Variants in COX7B2 observed in about 807,000 individuals in gnomAD.
COX7B2 encodes the protein cytochrome c oxidase subunit 7B2, mitochondrial.
For synonymous variants in COX7B2, 37 were observed against 32.1 expected, an observed-to-expected ratio of 1.15 and a Z score of -0.51; for missense variants, 109 against 95.9, an observed-to-expected ratio of 1.14 and a Z score of -0.57.
chr4:46,755,089 A>C (rs182841220), intron 2 of COX7B2, among the ~76,000 whole-genome samples: 1 of 151,888 alleles, frequency 6.6e-6, no homozygotes, highest in African/African-American at 2.4e-5. Context: ...ATGATACACA[A>C]TATTAAGGTG....
At position 46,756,125 on chromosome 4, in the gene COX7B2, T is replaced by C. The variant is rs1175319181; in HGVS notation, c.-49-20884A>G. ...GTATAAAAATAGACACATCAGTCAA[T>C]GGAACAGAGAAGAGGACCCAGAAAT... On this transcript the variant is annotated intron_variant, in intron 2 of 2. Coordinates refer to ENST00000355591, the MANE Select transcript of COX7B2 (RefSeq NM_130902.3). Among the ~76,000 whole-genome samples, 5 of 151,984 alleles carry C rather than the reference T, an allele frequency of 3.3e-5. No individual in the cohort carries two copies. In the East Asian group the frequency reaches 9.6e-4, roughly 29 times the overall value.
At chr4:46,771,850 T>A (rs1716897257) in intron 2 of COX7B2, among the ~76,000 whole-genome samples, 1 of 152,162 alleles carries the variant, frequency 6.6e-6, no homozygotes, top group Non-Finnish European at 1.5e-5. Context: ...ACTTACGGGT[T>A]GAACATTCCA....
At chr4:46,797,092 TAAAAAAAAAAAAAAA>T (rs762801656) in intron 2 of COX7B2, among the ~76,000 whole-genome samples, 26,591 of 64,236 alleles carry the variant, frequency 0.41, 3,193 homozygotes, top group Middle Eastern at 0.56. Context: ...TAGAGTATAA[TAAAAAAAAAAAAAAA>T]AAAAAAAAAA....
intron 1 of COX7B2, among the ~76,000 whole-genome samples, chr4:46,867,415 G>T (rs775330194): frequency 6.6e-5 from 10 of 152,168 alleles, no homozygotes; most frequent in Non-Finnish European, 1.5e-4. Context: ...GGTGTCAAAG[G>T]CTGTCTCTAG....
At chr4:46,883,795 A>T (rs993859905) in intron 1 of COX7B2, among the ~76,000 whole-genome samples, 4 of 151,964 alleles carry the variant, frequency 2.6e-5, no homozygotes, top group Non-Finnish European at 5.9e-5. Flanking sequence ...AAAAACCTGA[A>T]CATTAATTTT....
At chr4:46,895,037 T>C (rs561452178) in intron 1 of COX7B2, among the ~76,000 whole-genome samples, 1 of 152,302 alleles carries the variant, frequency 6.6e-6, no homozygotes, top group East Asian at 1.9e-4. Flanking sequence ...CAACCGTTGG[T>C]GGTGGTGTAA....
intron 2 of COX7B2, among the ~76,000 whole-genome samples, chr4:46,752,446 C>T (rs1438750118): frequency 6.6e-6 from 1 of 152,076 alleles, no homozygotes; most frequent in Admixed American, 6.6e-5. Flanking sequence ...CCAGAACTTC[C>T]AACACTATGT....
In COX7B2 at chr4:46,901,555, T is replaced by A. The variant is rs141182535; in HGVS notation, c.-105+7605A>T. Among the ~76,000 whole-genome samples, 729 of 152,372 alleles carry A rather than the reference T, an allele frequency of 4.8e-3. 3 individuals are homozygous for A. Among genetic ancestry groups the A allele is most frequent in the African/African-American group, 0.016 (678 of 41,596 alleles). ...GATTAATTTTATGTGTCAACTTGAC[T>A]GGGCTTAAAGATGCCCAAATAGCTA... On this transcript the variant is annotated intron_variant, in intron 1 of 2. Coordinates refer to ENST00000355591, the MANE Select transcript of COX7B2 (RefSeq NM_130902.3).
chr4:46,864,545 T>C (rs553855131), intron 1 of COX7B2, among the ~76,000 whole-genome samples: 9 of 152,258 alleles, frequency 5.9e-5, no homozygotes, highest in African/African-American at 2.2e-4. Context: ...AGTTAATCAT[T>C]GCGTTCTTGG....
At chr4:46,790,054 A>G (rs1448175070) in intron 2 of COX7B2, among the ~76,000 whole-genome samples, 1 of 152,092 alleles carries the variant, frequency 6.6e-6, no homozygotes, top group Non-Finnish European at 1.5e-5. Context: ...ACATCTTGAA[A>G]TCAAATATAC....
At chr4:46,774,942 T>C (rs973929834) in intron 2 of COX7B2, among the ~76,000 whole-genome samples, 3 of 152,128 alleles carry the variant, frequency 2.0e-5, no homozygotes, top group Non-Finnish European at 4.4e-5. Flanking sequence ...AGAACACAGC[T>C]TATACTTACT....
chr4:46,882,871 A>C (rs1718835665), intron 1 of COX7B2, among the ~76,000 whole-genome samples: 1 of 152,198 alleles, frequency 6.6e-6, no homozygotes, highest in Non-Finnish European at 1.5e-5. Context: ...CCATACGTGA[A>C]TTTAAGCCAC....
At chr4:46,755,863 A>C (rs1483389277) in intron 2 of COX7B2, among the ~76,000 whole-genome samples, 1 of 152,066 alleles carries the variant, frequency 6.6e-6, no homozygotes, top group Non-Finnish European at 1.5e-5. Context: ...GAAGAATCAA[A>C]ATTGTTAAAA....
At chr4:46,902,058 A>G (rs1023162362) in intron 1 of COX7B2, among the ~76,000 whole-genome samples, 1 of 152,138 alleles carries the variant, frequency 6.6e-6, no homozygotes, top group Non-Finnish European at 1.5e-5. Context: ...TATATATCCT[A>G]TTAGCTTTGT....
At chr4:46,806,722 GT>G (rs971663586) in intron 2 of COX7B2, among the ~76,000 whole-genome samples, 2 of 151,816 alleles carry the variant, frequency 1.3e-5, no homozygotes, top group African/African-American at 4.8e-5. Context: ...CCACTACTCT[GT>G]TTTTTTATCT....
At chr4:46,809,722 C>A (rs1455009436) in intron 2 of COX7B2, among the ~76,000 whole-genome samples, 1 of 151,844 alleles carries the variant, frequency 6.6e-6, no homozygotes, top group East Asian at 1.9e-4. Context: ...GTCTATTTTT[C>A]TGCTGCTGCT....
intron 1 of COX7B2, among the ~76,000 whole-genome samples, chr4:46,907,949 G>A (rs1209267851): frequency 1.4e-5 from 2 of 145,564 alleles, no homozygotes; most frequent in Non-Finnish European, 3.0e-5. Context: ...CGCCTCCCGG[G>A]TTCAAGCGAT....
At chr4:46,846,814 T>A (rs557216463) in intron 1 of COX7B2, among the ~76,000 whole-genome samples, 2 of 152,188 alleles carry the variant, frequency 1.3e-5, no homozygotes, top group Admixed American at 6.5e-5. Flanking sequence ...GATTTTCTGA[T>A]AAGCTAGATG....
chr4:46,885,673 T>G (rs188845933), intron 1 of COX7B2, among the ~76,000 whole-genome samples: 3 of 152,286 alleles, frequency 2.0e-5, no homozygotes, highest in Admixed American at 2.0e-4. Context: ...ATTAAAAGCA[T>G]CAAAACTGCG....
Sources: allele counts gnomAD v4.1 joint callset (sites outside exome capture counted in the v4.1 genomes callset), GRCh38; gene constraint gnomAD v4.1.1; transcripts MANE v1.5; gene names NCBI Gene and HGNC (gene_info 2026-07-23, HGNC 2026-07-21).